Variants in CNTN6 observed in about 807,000 individuals in gnomAD.
CNTN6 encodes the protein contactin-6.
A neutral mutation model predicts 122.8 loss-of-function variants in CNTN6; 137 were observed. The ratio of observed to expected loss-of-function variants is 1.12; its 90% CI spans 0.97 to 1.29. The LOEUF (loss-of-function observed/expected upper bound fraction) is 1.29. Ranked by LOEUF, CNTN6 falls within the 50% of genes most tolerant of loss-of-function variation. The pLI is 0.00. For missense variants in CNTN6, 1,634 were observed against 1,223.4 expected (o/e 1.34, Z -5.01); for synonymous variants, 570 against 426.0 (o/e 1.34, Z -4.16).
intron 2 of CNTN6, among the ~76,000 whole-genome samples, chr3:1,215,389 A>G (rs552191729): frequency 2.8e-4 from 42 of 152,330 alleles, no homozygotes; most frequent in Non-Finnish European, 5.9e-4. Flanking sequence ...ATCTCAAAAC[A>G]TTATAGCAGT....
chr3:1,332,521 A>AGGAAGGAAGGAAGGAAGGAGGGAG (rs1702449957), intron 11 of CNTN6, among the ~76,000 whole-genome samples: 2 of 149,992 alleles, frequency 1.3e-5, no homozygotes, highest in Admixed American at 6.7e-5. Context: ...GAAGGAAGGA[A>AGGAAGGAAGGAAGGAAGGAGGGAG]GGAAGGAAGG....
At chr3:1,116,650 G>T (rs2091729780) in intron 1 of CNTN6, among the ~76,000 whole-genome samples, 2 of 145,476 alleles carry the variant, frequency 1.4e-5, no homozygotes, top group African/African-American at 5.1e-5. Context: ...GGGTCGTATT[G>T]TTACCTGTTA....
intron 2 of CNTN6, among the ~76,000 whole-genome samples, chr3:1,173,968 A>T (rs2093405626): frequency 6.6e-6 from 1 of 151,892 alleles, no homozygotes; most frequent in African/African-American, 2.4e-5. Flanking sequence ...TTTCTGATGC[A>T]GTGGGTATTA....
rs569164213 is a variant in CNTN6 at position 1,325,291 on chromosome 3, T to C, written c.947-524T>C. Among the ~76,000 whole-genome samples, 32 of 151,912 alleles carry C rather than the reference T, an allele frequency of 2.1e-4. 1 individual carries two copies. The South Asian group carries it at 6.4e-3, about 31-fold the overall frequency. ...ACCATTCCTTGTCAAGAATTTTATC[T>C]AGGAAAAAAGAATACTGGATTATCT... On this transcript the variant is annotated intron_variant, in intron 8 of 22. Transcript: ENST00000446702.
chr3:1,206,236 C>T (rs1456078004), intron 2 of CNTN6, among the ~76,000 whole-genome samples: 1 of 152,148 alleles, frequency 6.6e-6, no homozygotes, highest in Non-Finnish European at 1.5e-5. Flanking sequence ...TTAAACCTCC[C>T]ATACTTCCCC....
intron 1 of CNTN6, among the ~76,000 whole-genome samples, chr3:1,143,645 T>G (rs1035382652): frequency 1.3e-5 from 2 of 152,156 alleles, no homozygotes; most frequent in Non-Finnish European, 2.9e-5. Flanking sequence ...GCCAGAGTAT[T>G]CTCCTTCCTC....
intron 3 of CNTN6, among the ~76,000 whole-genome samples, chr3:1,222,525 A>C (rs918420678): frequency 2.6e-5 from 4 of 151,938 alleles, no homozygotes; most frequent in Non-Finnish European, 5.9e-5. Context: ...AGAAGGATAT[A>C]AAATAGGTTC....
Position 1,271,534 on chromosome 3 carries a change from G to A in CNTN6, c.359-6879G>A, listed in dbSNP as rs2095027118. ...ACACCTCTGTTGTATGTGCTGGTGG[G>A]CGGTGCATAGCTCTCTATGTTGGTC... On this transcript the variant is annotated intron_variant, in intron 4 of 22. Transcript: ENST00000446702. Among the ~76,000 whole-genome samples the A allele has an allele frequency of 1.3e-5, 2 of 152,170 alleles. 1 individual carries two copies. Among genetic ancestry groups the A allele is most frequent in the Admixed American group, 1.3e-4 (2 of 15,286 alleles).
rs568863475 is a variant in CNTN6 at position 1,340,071 on chromosome 3, A to T, written c.1364+10136A>T. Among the ~76,000 whole-genome samples, 457 of 152,236 alleles carry T rather than the reference A, an allele frequency of 3.0e-3. 3 individuals are homozygous for T. The highest frequency in any genetic ancestry group is 0.01 in the African/African-American group (424 of 41,568). On this transcript the variant is annotated intron_variant, in intron 11 of 22. Transcript: ENST00000446702. ...ATACCTATGAGAGGCATTTATTCATATTTTTAGATGAGTAAAACTAAGGCT... is the reference window on the plus strand; with the variant it reads ...ATACCTATGAGAGGCATTTATTCATTTTTTTAGATGAGTAAAACTAAGGCT...
At chr3:1,343,824 C>T (rs1471889769) in intron 11 of CNTN6, among the ~76,000 whole-genome samples, 1 of 152,080 alleles carries the variant, frequency 6.6e-6, no homozygotes, top group Non-Finnish European at 1.5e-5. Flanking sequence ...AGCAACTGCT[C>T]CTAAATTAAC....
intron 1 of CNTN6, among the ~76,000 whole-genome samples, chr3:1,102,719 C>G (rs1348190596): frequency 1.3e-5 from 2 of 149,916 alleles, no homozygotes; most frequent in Admixed American, 6.6e-5. Context: ...CAGGGCGAGA[C>G]TCCGTCTCAA....
intron 10 of CNTN6, among the ~76,000 whole-genome samples, chr3:1,328,821 G>A (rs991678722): frequency 6.6e-6 from 1 of 151,660 alleles, no homozygotes; most frequent in African/African-American, 2.4e-5. Flanking sequence ...TGGACACATG[G>A]ATTCCAACAT....
chr3:1,106,003 G>T (rs2091202262), intron 1 of CNTN6, among the ~76,000 whole-genome samples: 2 of 152,104 alleles, frequency 1.3e-5, no homozygotes, highest in Non-Finnish European at 2.9e-5. Context: ...ACTCCATGAT[G>T]AAGCAGTCAG....
At chr3:1,260,769 T>A (rs2094832738) in intron 4 of CNTN6, among the ~76,000 whole-genome samples, 1 of 152,000 alleles carries the variant, frequency 6.6e-6, no homozygotes, top group South Asian at 2.1e-4. Flanking sequence ...TTTCTCCTTT[T>A]GCTTGGTACC....
intron 5 of CNTN6, among the ~76,000 whole-genome samples, chr3:1,290,733 A>G (rs1695186296): frequency 6.6e-6 from 1 of 152,208 alleles, no homozygotes; most frequent in South Asian, 2.1e-4. Context: ...TAATCATTAT[A>G]TACCTCCTGG....
At chr3:1,325,496 T>A (rs547136094) in intron 8 of CNTN6, among the ~76,000 whole-genome samples, 1 of 152,014 alleles carries the variant, frequency 6.6e-6, no homozygotes, top group East Asian at 1.9e-4. Context: ...ACCTATGTTC[T>A]AATATTTAGC....
intron 1 of CNTN6, among the ~76,000 whole-genome samples, chr3:1,145,139 A>G (rs1158829503): frequency 6.6e-6 from 1 of 152,162 alleles, no homozygotes; most frequent in African/African-American, 2.4e-5. Flanking sequence ...GAAAGTTTTT[A>G]GCTGTAGCTG....
At chr3:1,266,748 T>A (rs539128579) in intron 4 of CNTN6, among the ~76,000 whole-genome samples, 2 of 152,282 alleles carry the variant, frequency 1.3e-5, no homozygotes, top group East Asian at 3.9e-4. Flanking sequence ...CACTCTCCTT[T>A]ACTCTAATGA....
rs768796678 is a variant in CNTN6, at chr3:1,373,663, C to G, written c.1846C>G (p.Leu616Val). 2 of 1,612,946 alleles carry G rather than the reference C, an allele frequency of 1.2e-6. No homozygotes were observed. Among genetic ancestry groups the G allele is most frequent in the African/African-American group, 2.7e-5 (2 of 74,798 alleles). The change falls in exon 15 of 23, where the codon CTA (leucine) becomes GTA (valine). Residue 616 changes from leucine (L) to valine (V), a missense_variant. Transcript: ENST00000446702. ...AGACATTTCCAGTACTACTTCTCAA[C>G]TAAGTTGGAGAGCAGGCCCAGATAA... ...VEDISSTTSQ[L>V]SWRAGPDNNS... is the part of the protein sequence containing the mutation.
Sources: gnomAD v4.1 joint callset for allele counts (sites outside exome capture counted in the v4.1 genomes callset) on GRCh38, gnomAD v4.1.1 for gene constraint, MANE v1.5 for transcripts, NCBI Gene and HGNC (gene_info 2026-07-23, HGNC 2026-07-21) for gene names.